RIMS3: variants seen among roughly 807,000 people sequenced by gnomAD.
The protein encoded by RIMS3 is regulating synaptic membrane exocytosis protein 3.
RIMS3 carries 15 observed loss-of-function variants against 29.2 expected under a neutral mutation model. The ratio of observed to expected loss-of-function variants is 0.51; its 90% CI spans 0.34 to 0.79. RIMS3 has a LOEUF of 0.79. RIMS3 is among the 30% of genes least tolerant of loss of function. The pLI is 0.01. For synonymous variants in RIMS3, 161 were observed against 170.1 expected (o/e 0.95, Z 0.41); for missense variants, 342 against 421.4 (o/e 0.81, Z 1.65).
At chr1:40,638,179 G>A (rs1054227325) in intron 3 of RIMS3, among the ~76,000 whole-genome samples, 3 of 152,152 alleles carry the variant, frequency 2.0e-5, no homozygotes, top group Admixed American at 6.5e-5. Flanking sequence ...GGTGCCGAGA[G>A]AGCTGGGACT....
chr1:40,677,001 ATT>A, the RIMS3 span, among the ~76,000 whole-genome samples: 154 of 143,666 alleles, frequency 1.1e-3, no homozygotes, highest in African/African-American at 9.8e-4. Flanking sequence ...AACAGGTGGA[ATT>A]TTTTTTTTTT....
intron 3 of RIMS3, among the ~76,000 whole-genome samples, chr1:40,640,953 T>C (rs1223029932): frequency 6.6e-6 from 1 of 152,214 alleles, no homozygotes; most frequent in Non-Finnish European, 1.5e-5. Flanking sequence ...TGAATTACTC[T>C]ATTATGCTTC....
chr1:40,664,419 A>C (rs1449900137), intron 1 of RIMS3, among the ~76,000 whole-genome samples: 2 of 152,164 alleles, frequency 1.3e-5, no homozygotes, highest in East Asian at 3.9e-4. Flanking sequence ...CCATGACTTC[A>C]GGCCCCAAAC....
the RIMS3 span, among the ~76,000 whole-genome samples, chr1:40,679,835 T>C: frequency 5.9e-5 from 9 of 151,976 alleles, no homozygotes; most frequent in Non-Finnish European, 1.2e-4. Context: ...GACAATCCTA[T>C]TGGGACAATA....
At chr1:40,638,363 G>T (rs1033759940) in intron 3 of RIMS3, among the ~76,000 whole-genome samples, 1 of 152,122 alleles carries the variant, frequency 6.6e-6, no homozygotes, top group Non-Finnish European at 1.5e-5. Context: ...ATGTCCATAC[G>T]ATCCCTCCAC....
In RIMS3 at chr1:40,641,968, C is replaced by G; in HGVS notation, c.-31-12G>C. ...GGCCTCAGGCAGCTCTGAAGATGGG[C>G]AGGAAACAAAAGGATCCCACATCAG... On this transcript the variant is annotated splice_polypyrimidine_tract_variant and intron_variant, in intron 2 of 7. Transcript: ENST00000372684. The G allele has an allele frequency of 6.5e-7, 1 of 1,544,466 alleles. No individual in the cohort carries two copies. The highest frequency in any genetic ancestry group is 8.9e-7 in the Non-Finnish European group (1 of 1,121,642).
At chr1:40,691,636 C>T in the RIMS3 span, 2 of 426,076 alleles carry the variant, frequency 4.7e-6, no homozygotes, top group South Asian at 3.2e-5. Context: ...AGGAGCACAG[C>T]TTCTGCGCAC....
chr1:40,633,745 A>G (rs1646503955), intron 4 of RIMS3, among the ~76,000 whole-genome samples: 1 of 152,226 alleles, frequency 6.6e-6, no homozygotes, highest in Admixed American at 6.5e-5. Context: ...TAACAAGAAA[A>G]GCTGACAGTG....
chr1:40,643,433 T>A (rs1646573366), intron 2 of RIMS3, among the ~76,000 whole-genome samples: 1 of 151,776 alleles, frequency 6.6e-6, no homozygotes, highest in African/African-American at 2.4e-5. Flanking sequence ...GGGCCTGGCT[T>A]CTTTCCTCTC....
chr1:40,629,204 A>G, intron 6 of RIMS3, 67 bp downstream of exon 6: 1 of 1,357,926 alleles, frequency 7.4e-7, no homozygotes. Flanking sequence ...GGAGCTGAGG[A>G]CCTGCTAGAC....
At chr1:40,640,934 T>C (rs142428380) in intron 3 of RIMS3, among the ~76,000 whole-genome samples, 115 of 152,340 alleles carry the variant, frequency 7.5e-4, no homozygotes, top group Admixed American at 1.6e-3. Flanking sequence ...TCTGTGACCA[T>C]GCGCAGTGTG....
At chr1:40,680,495 C>T in the RIMS3 span, among the ~76,000 whole-genome samples, 2 of 152,006 alleles carry the variant, frequency 1.3e-5, no homozygotes, top group African/African-American at 2.4e-5. Flanking sequence ...CCATACCCGG[C>T]TAATTTTTGT....
the RIMS3 span, among the ~76,000 whole-genome samples, chr1:40,675,276 G>GAA: frequency 1.1e-4 from 15 of 140,672 alleles, no homozygotes; most frequent in African/African-American, 1.8e-4. Flanking sequence ...CCTGTCTCAG[G>GAA]AAAAAAAAAA....
the RIMS3 span, among the ~76,000 whole-genome samples, chr1:40,680,829 C>A: frequency 0.12 from 18,675 of 152,146 alleles, 1,265 homozygotes; most frequent in African/African-American, 0.15. Context: ...TTATGACCTG[C>A]AATCATATTT....
intron 5 of RIMS3, among the ~76,000 whole-genome samples, chr1:40,632,806 A>G (rs542214): frequency 0.79 from 120,155 of 152,032 alleles, 48,143 homozygotes; most frequent in African/African-American, 0.9. Flanking sequence ...CAGTTCCTAC[A>G]CATTAAATTG....
At position 40,629,369 on chromosome 1, in the gene RIMS3, T is replaced by G; in HGVS notation, c.476A>C (p.Asp159Ala). Residue 159 changes from aspartate to alanine, a missense_variant, in exon 6 of 8, where the codon GAT (aspartate) becomes GCT (alanine). By Grantham distance (126) the Asp-to-Ala change is moderately radical (BLOSUM62 -2). Transcript: ENST00000372684. ...CCGGTCCATGATGGCAATGTGCACA[T>G]CTCCTGAAAGGAAGAAGAGGGTGAG... ...RQTLATPPMG[D>A]VHIAIMDRSG... The G allele has an allele frequency of 6.2e-7, 1 of 1,612,190 alleles. No individual in the cohort carries two copies. The highest frequency in any genetic ancestry group is 8.5e-7 in the Non-Finnish European group (1 of 1,178,434).
chr1:40,672,593 T>A, the RIMS3 span, among the ~76,000 whole-genome samples: 4 of 152,230 alleles, frequency 2.6e-5, no homozygotes, highest in African/African-American at 9.6e-5. Context: ...AAAATCGATG[T>A]GGTCTGAAAG....
chr1:40,668,370 T>C (rs1642450693), upstream of RIMS3, among the ~76,000 whole-genome samples: 1 of 151,072 alleles, frequency 6.6e-6, no homozygotes, highest in Admixed American at 6.6e-5. Context: ...TGCAGTGAGC[T>C]GTGATCACGC....
chr1:40,627,250 A>G (rs781568220), intron 7 of RIMS3, among the ~76,000 whole-genome samples: 2 of 152,074 alleles, frequency 1.3e-5, no homozygotes, highest in Non-Finnish European at 2.9e-5. Flanking sequence ...ATTTTTTGAG[A>G]TGGAGTCTCA....
Sources: allele counts gnomAD v4.1 joint callset (sites outside exome capture counted in the v4.1 genomes callset), GRCh38; gene constraint gnomAD v4.1.1; transcripts MANE v1.5; gene names NCBI Gene and HGNC (gene_info 2026-07-23, HGNC 2026-07-21).